The following CCDC18 variants were observed in gnomAD, a reference collection of about 807,000 sequenced individuals.
CCDC18 encodes the protein coiled-coil domain-containing protein 18.
A neutral mutation model predicts 196.0 loss-of-function variants in CCDC18; 157 were observed. That is an observed-to-expected ratio of 0.80 (90% CI 0.70 to 0.91). The LOEUF (loss-of-function observed/expected upper bound fraction) is 0.91, where lower values mean the gene tolerates loss of function less well. Ranked by LOEUF, CCDC18 falls within the 40% of genes least tolerant of loss-of-function variation. The probability of loss-of-function intolerance (pLI) is 0.00; values close to 1 mark genes in which losing one functional copy is unlikely to be tolerated. For missense variants in CCDC18, 1,465 were observed against 1,611.6 expected, an observed-to-expected ratio of 0.91 and a Z score of 1.56; for synonymous variants, 482 against 529.2, an observed-to-expected ratio of 0.91 and a Z score of 1.22.
chr1:93,275,830 T>C (rs1246548971), intron 28 of CCDC18, among the ~76,000 whole-genome samples: 1 of 152,224 alleles, frequency 6.6e-6, no homozygotes, highest in Non-Finnish European at 1.5e-5. Flanking sequence ...AGTAACTGTC[T>C]TTATCTGCCA....
At chr1:93,253,156 C>T (rs2101043933) in intron 23 of CCDC18, among the ~76,000 whole-genome samples, 1 of 152,348 alleles carries the variant, frequency 6.6e-6, no homozygotes, top group East Asian at 1.9e-4. Flanking sequence ...CATAGCCCAG[C>T]AAGCTCCTTC....
At chr1:93,240,150 T>G (rs1029183496) in intron 21 of CCDC18, among the ~76,000 whole-genome samples, 3 of 152,226 alleles carry the variant, frequency 2.0e-5, no homozygotes, top group African/African-American at 7.2e-5. Flanking sequence ...CATACAGCAG[T>G]GGCTAACAGC....
intron 9 of CCDC18, among the ~76,000 whole-genome samples, chr1:93,208,516 C>T (rs555651172): frequency 2.6e-5 from 4 of 151,978 alleles, no homozygotes; most frequent in East Asian, 1.9e-4. Context: ...AAACGGGTCT[C>T]GAACTCCTGA....
chr1:93,256,353 C>T lies in CCDC18; in HGVS notation c.3361C>T (p.Gln1121Ter). Residue 1121 changes from glutamine to a stop codon, truncating the protein, a stop_gained, in exon 25 of 29, where the codon CAG becomes TAG. Transcript: ENST00000690025. LOFTEE classifies it high-confidence loss of function. ...EMESVMKEQEQYIATQYKEAI... is the reference protein window; with the variant it reads ...EMESVMKEQE ...TTTTCAGGTTATGAAAGAGCAAGAA[C>T]AGTACATTGCCACTCAGTACAAGGA... The T allele has an allele frequency of 6.2e-7, 1 of 1,613,970 alleles. No individual in the cohort carries two copies. Among genetic ancestry groups the T allele is most frequent in the Non-Finnish European group, 8.5e-7 (1 of 1,179,908 alleles).
intron 6 of CCDC18, among the ~76,000 whole-genome samples, chr1:93,199,136 C>G (rs1033475511): frequency 1.3e-5 from 2 of 152,248 alleles, no homozygotes; most frequent in Admixed American, 1.3e-4. Flanking sequence ...CCAGTGGCAC[C>G]TTTGCCCGAG....
intron 28 of CCDC18, among the ~76,000 whole-genome samples, chr1:93,273,193 C>T (rs575758122): frequency 2.6e-5 from 4 of 152,008 alleles, no homozygotes; most frequent in Admixed American, 1.3e-4. Flanking sequence ...CTCAGCCTCC[C>T]GAGTAGCTGG....
chr1:93,210,100 T>A (rs1466139040), intron 9 of CCDC18, among the ~76,000 whole-genome samples: 1 of 152,160 alleles, frequency 6.6e-6, no homozygotes, highest in Non-Finnish European at 1.5e-5. Flanking sequence ...TGTGGTAATG[T>A]ATGCTTGATC....
intron 21 of CCDC18, among the ~76,000 whole-genome samples, chr1:93,243,405 A>G (rs1661082459): frequency 6.6e-6 from 1 of 152,156 alleles, no homozygotes; most frequent in Admixed American, 6.5e-5. Flanking sequence ...TAGGCTGCAC[A>G]CAGCGTGGTG....
At chr1:93,265,910 C>A (rs1173094045) in intron 27 of CCDC18, among the ~76,000 whole-genome samples, 2 of 152,112 alleles carry the variant, frequency 1.3e-5, no homozygotes, top group Non-Finnish European at 2.9e-5. Flanking sequence ...ACAAGGATAT[C>A]CAGGACTTGA....
At chr1:93,249,950 A>T (rs536103549) in intron 23 of CCDC18, among the ~76,000 whole-genome samples, 5 of 152,116 alleles carry the variant, frequency 3.3e-5, no homozygotes, top group South Asian at 2.1e-4. Flanking sequence ...AGACATTAAA[A>T]TTTTTTTTAA....
At position 93,212,148 on chromosome 1, in the gene CCDC18, A is replaced by G. The variant is rs763132899; in HGVS notation, c.1382A>G (p.Asn461Ser). 6.2e-7 allele frequency: 1 copy of G among 1,610,230 alleles called. No individual in the cohort carries two copies. The highest frequency in any genetic ancestry group is 8.5e-7 in the Non-Finnish European group (1 of 1,178,924). Reference sequence around the variant, plus strand: ...GCAGAAATTCAAAAGCTTCATGCAAACCTGACTGCAAATCAGTTATCTCAG... The same window carrying G: ...GCAGAAATTCAAAAGCTTCATGCAAGCCTGACTGCAAATCAGTTATCTCAG... ...KEAEIQKLHA[N>S]LTANQLSQSL... The change falls in exon 11 of 29, where the codon AAC becomes AGC. Residue 461 changes from asparagine (N) to serine (S), a missense_variant. Asn to Ser is a conservative substitution (Grantham distance 46, BLOSUM62 1). Coordinates refer to ENST00000690025, the MANE Select transcript of CCDC18 (RefSeq NM_001378204.1).
chr1:93,226,208 A>G (rs1658259022), intron 16 of CCDC18, 125 bp from the exon 17 acceptor site: 21 of 460,100 alleles, frequency 4.6e-5, no homozygotes, highest in Non-Finnish European at 2.4e-5. Flanking sequence ...ATGGCATTTT[A>G]TATCCTAAGT....
intron 5 of CCDC18, among the ~76,000 whole-genome samples, chr1:93,193,257 T>G (rs1216744318): frequency 1.3e-5 from 2 of 152,168 alleles, no homozygotes; most frequent in Non-Finnish European, 2.9e-5. Context: ...ACTTATTACC[T>G]TTTCATATTT....
intron 12 of CCDC18, among the ~76,000 whole-genome samples, chr1:93,215,604 G>A (rs1242641524): frequency 6.6e-6 from 1 of 151,996 alleles, no homozygotes; most frequent in African/African-American, 2.4e-5. Flanking sequence ...CTGCAGGCAT[G>A]TGTCACTATG....
At chr1:93,211,677 T>C (rs1434921564) in intron 10 of CCDC18, among the ~76,000 whole-genome samples, 2 of 152,188 alleles carry the variant, frequency 1.3e-5, no homozygotes, top group Non-Finnish European at 2.9e-5. Context: ...ACAAATGGAT[T>C]TGTGTAATTA....
intron 26 of CCDC18, 112 bp from the exon 27 acceptor site, chr1:93,264,589 T>G (rs969414129): frequency 1.6e-6 from 1 of 624,858 alleles, no homozygotes; most frequent in Non-Finnish European, 2.8e-6. Context: ...TAAACAGAAT[T>G]TACTTTTTTT....
chr1:93,184,605 ACT>A (rs10601381), intron 3 of CCDC18, among the ~76,000 whole-genome samples: 79,668 of 150,992 alleles, frequency 0.53, 24,119 homozygotes, highest in South Asian at 0.68. Flanking sequence ...TTGGTCTGAA[ACT>A]CTCTTCCTTT....
Position 93,221,714 on chromosome 1 carries a change from CTAGA to C in CCDC18, c.2073_2076del (p.Arg692SerfsTer2), listed in dbSNP as rs764412355. On this transcript the variant is annotated frameshift_variant, in exon 15 of 29. Transcript: ENST00000690025. LOFTEE classifies it high-confidence loss of function. The stretch of plus-strand genomic sequence containing the variant: ...ATGCAAACAACATCATCTTGAATCA[CTAGA>C]TAGACTCTTGACGGAAAGCAAAGGG... The C allele has an allele frequency of 1.9e-5, 30 of 1,599,304 alleles. 1 individual carries two copies. The South Asian group carries it at 3.4e-4, about 18-fold the overall frequency.
At chr1:93,271,673 A>C (rs1343741730) in intron 28 of CCDC18, 3 of 337,972 alleles carry the variant, frequency 8.9e-6, no homozygotes, top group African/African-American at 6.7e-5. Flanking sequence ...TCTCAAAAAA[A>C]ATTTTTATTC....
Sources: allele counts gnomAD v4.1 joint callset (sites outside exome capture counted in the v4.1 genomes callset), GRCh38; gene constraint gnomAD v4.1.1; transcripts MANE v1.5; gene names NCBI Gene and HGNC (gene_info 2026-07-23, HGNC 2026-07-21).